BMPR1A: variants seen among roughly 807,000 people sequenced by gnomAD.
BMPR1A encodes the protein bone morphogenetic protein receptor type 1A.
A neutral mutation model predicts 66.0 loss-of-function variants in BMPR1A; 7 were observed. That is an observed-to-expected ratio of 0.11 (90% confidence interval 0.06 to 0.20). BMPR1A has a LOEUF of 0.20. BMPR1A is among the 10% of genes least tolerant of loss of function. The pLI is 1.00. For synonymous variants in BMPR1A, 200 were observed against 229.7 expected (o/e 0.87, Z 1.17); for missense variants, 408 against 669.1 (o/e 0.61, Z 4.31).
chr10:86,822,872 T>G (rs1227922061), intron 1 of BMPR1A, among the ~76,000 whole-genome samples: 2 of 152,030 alleles, frequency 1.3e-5, no homozygotes, highest in African/African-American at 2.4e-5. Context: ...TCAGGTGATA[T>G]GCCCGCCTCA....
chr10:86,810,029 A>T (rs1841947621), intron 1 of BMPR1A, among the ~76,000 whole-genome samples: 1 of 151,972 alleles, frequency 6.6e-6, no homozygotes, highest in Non-Finnish European at 1.5e-5. Context: ...AGAGTGCAGT[A>T]GCATGATCTC....
chr10:86,926,097 A>G lies in BMPR1A; in HGVS notation c.*2378A>G, dbSNP rs900779429. ...ACAGCCAGTATATGAGACCACTATTATGGTTTTTTAAAATTAACTTGGTCT... is the reference window on the plus strand; with the variant it reads ...ACAGCCAGTATATGAGACCACTATTGTGGTTTTTTAAAATTAACTTGGTCT... On this transcript the variant is annotated 3_prime_UTR_variant, in exon 13 of 13. Coordinates refer to ENST00000372037, the MANE Select transcript of BMPR1A (RefSeq NM_004329.3). 1.2e-5 allele frequency: 2 copies of G among 172,066 alleles called. No homozygotes were observed. The highest frequency in any genetic ancestry group is 4.8e-5 in the African/African-American group (2 of 42,086). 10.7% of individuals were successfully genotyped at this position (172,066 alleles called of 1,614,324 possible).
At chr10:86,790,191 ATATATATATATATAT>A (rs1564685532) in intron 1 of BMPR1A, among the ~76,000 whole-genome samples, 187 of 9,318 alleles carry the variant, frequency 0.02, 39 homozygotes, top group Non-Finnish European at 0.025. Context: ...AAAAAAAAAT[ATATATATATATATAT>A]ATATATATAT....
At chr10:86,915,117 G>A (rs934890237) in intron 8 of BMPR1A, among the ~76,000 whole-genome samples, 1 of 152,118 alleles carries the variant, frequency 6.6e-6, no homozygotes, top group Non-Finnish European at 1.5e-5. Flanking sequence ...GACACAAAAG[G>A]CTACACAAAA....
At chr10:86,884,035 CG>C (rs1465092508) in intron 3 of BMPR1A, among the ~76,000 whole-genome samples, 3 of 151,930 alleles carry the variant, frequency 2.0e-5, no homozygotes, top group East Asian at 3.9e-4. Context: ...CCACCACACT[CG>C]GCTAATTTTT....
At chr10:86,767,068 C>T (rs1300665104) in intron 1 of BMPR1A, among the ~76,000 whole-genome samples, 5 of 152,232 alleles carry the variant, frequency 3.3e-5, no homozygotes, top group Admixed American at 6.5e-5. Flanking sequence ...GTGATCCGCC[C>T]GCCTTGGCCT....
At chr10:86,875,427 C>T (rs1842909260) in intron 2 of BMPR1A, among the ~76,000 whole-genome samples, 1 of 152,144 alleles carries the variant, frequency 6.6e-6, no homozygotes. Context: ...TCGGCTTCCT[C>T]TTCTATCTAT....
chr10:86,819,709 T>C (rs1232762609), intron 1 of BMPR1A, among the ~76,000 whole-genome samples: 5 of 152,242 alleles, frequency 3.3e-5, no homozygotes, highest in South Asian at 4.1e-4. Context: ...ATGGCACTTA[T>C]CACGTCAGCC....
At chr10:86,772,067 C>CTT (rs71475698) in intron 1 of BMPR1A, among the ~76,000 whole-genome samples, 1,825 of 142,276 alleles carry the variant, frequency 0.013, 34 homozygotes, top group African/African-American at 0.045. Flanking sequence ...AAAATTAGTG[C>CTT]TTTTTTTTTT....
rs980582307 is a variant in BMPR1A at position 86,890,354 on chromosome 10, A to G, written c.230+130A>G. On this transcript the variant is annotated intron_variant, in intron 4 of 12. Transcript: ENST00000372037. ...TATAGTATCTTTCCAGAAAGCCAAAAAGCCTTTTGTTTTGTATATTAGAAC... is the reference window on the plus strand; with the variant it reads ...TATAGTATCTTTCCAGAAAGCCAAAGAGCCTTTTGTTTTGTATATTAGAAC... The G allele has an allele frequency of 1.4e-5, 16 of 1,118,376 alleles. No individual in the cohort carries two copies. In the Middle Eastern group the frequency reaches 3.8e-3, roughly 267 times the overall value. The allele number at this position is 1,118,376 out of a possible 1,614,324, so 69.3% of individuals were successfully genotyped here. A position where few individuals can be genotyped will look rare whatever the true frequency, so the allele number is the denominator to read the frequency against.
intron 10 of BMPR1A, 92 bp downstream of exon 10, chr10:86,919,561 T>C: frequency 6.6e-7 from 1 of 1,514,290 alleles, no homozygotes; most frequent in Non-Finnish European, 9.1e-7. Context: ...ATTCTAAAAA[T>C]GTGCATATGC....
chr10:86,861,609 C>G (rs545873025), intron 2 of BMPR1A, among the ~76,000 whole-genome samples: 1 of 152,294 alleles, frequency 6.6e-6, no homozygotes, highest in South Asian at 2.1e-4. Flanking sequence ...TATTTCCATA[C>G]TTATTTAACT....
At chr10:86,901,945 G>C (rs771001377) in intron 7 of BMPR1A, among the ~76,000 whole-genome samples, 6 of 151,918 alleles carry the variant, frequency 3.9e-5, no homozygotes, top group Non-Finnish European at 2.9e-5. Context: ...TGCAATCTCT[G>C]CCTCCCAGGT....
At chr10:86,791,978 G>A (rs887998749) in intron 1 of BMPR1A, among the ~76,000 whole-genome samples, 4 of 148,606 alleles carry the variant, frequency 2.7e-5, no homozygotes, top group African/African-American at 7.5e-5. Context: ...TTGGCCTCCC[G>A]GAAGTGCTGG....
intron 1 of BMPR1A, among the ~76,000 whole-genome samples, chr10:86,802,982 G>T (rs764256645): frequency 5.6e-4 from 74 of 132,504 alleles, no homozygotes; most frequent in Middle Eastern, 4.8e-3. Context: ...TCTAGCCTGG[G>T]CGACAGAGCA....
intron 1 of BMPR1A, among the ~76,000 whole-genome samples, chr10:86,803,004 C>CAAAAAAAA (rs59957238): frequency 4.0e-5 from 3 of 75,948 alleles, no homozygotes; most frequent in African/African-American, 4.7e-5. Flanking sequence ...GACCCGGTCT[C>CAAAAAAAA]AAAAAAAAAA....
chr10:86,793,963 T>C (rs1490186892), intron 1 of BMPR1A, among the ~76,000 whole-genome samples: 1 of 152,164 alleles, frequency 6.6e-6, no homozygotes, highest in Non-Finnish European at 1.5e-5. Context: ...CAAGGTGACA[T>C]GGCTCTGACC....
intron 1 of BMPR1A, among the ~76,000 whole-genome samples, chr10:86,817,482 C>T (rs1227712283): frequency 6.6e-6 from 1 of 152,208 alleles, no homozygotes; most frequent in Non-Finnish European, 1.5e-5. Context: ...TTTGCTTATC[C>T]ATTCATTCAT....
chr10:86,788,193 T>G (rs1489919655), intron 1 of BMPR1A, among the ~76,000 whole-genome samples: 1 of 152,188 alleles, frequency 6.6e-6, no homozygotes, highest in Non-Finnish European at 1.5e-5. Flanking sequence ...GCAAAATTTC[T>G]TAATGCTTTT....
Sources: gnomAD v4.1 joint callset for allele counts (sites outside exome capture counted in the v4.1 genomes callset) on GRCh38, gnomAD v4.1.1 for gene constraint, MANE v1.5 for transcripts, NCBI Gene and HGNC (gene_info 2026-07-23, HGNC 2026-07-21) for gene names.